CFAP99: variants seen among roughly 807,000 people sequenced by gnomAD.
The protein encoded by CFAP99 is cilia- and flagella-associated protein 99.
In CFAP99, 84 loss-of-function variants were observed where a neutral mutation model predicts 82.7. The ratio of observed to expected loss-of-function variants is 1.02; its 90% CI spans 0.85 to 1.22. The LOEUF (loss-of-function observed/expected upper bound fraction) is 1.22, where lower values mean the gene tolerates loss of function less well. CFAP99 is among the 50% of genes most tolerant of loss of function. The pLI is 0.00. For synonymous variants in CFAP99, 456 were observed against 429.5 expected, an observed-to-expected ratio of 1.06 and a Z score of -0.76; for missense variants, 1,059 against 983.5, an observed-to-expected ratio of 1.08 and a Z score of -1.03.
chr4:2,457,217 A>G (rs1182585988), intron 11 of CFAP99, among the ~76,000 whole-genome samples: 1 of 152,196 alleles, frequency 6.6e-6, no homozygotes, highest in Non-Finnish European at 1.5e-5. Context: ...CGCTGGGATT[A>G]CAAGCGTGAG....
At chr4:2,429,138 C>G (rs1733747213) in intron 2 of CFAP99, 1 of 152,474 alleles carries the variant, frequency 6.6e-6, no homozygotes, top group Non-Finnish European at 1.5e-5. Flanking sequence ...ACGCGCTCCC[C>G]ACTGCACTAG....
At chr4:2,421,348 C>G (rs1399665266) in intron 1 of CFAP99, among the ~76,000 whole-genome samples, 1 of 107,964 alleles carries the variant, frequency 9.3e-6, no homozygotes, top group Non-Finnish European at 1.9e-5. Flanking sequence ...AGTCTGCCCA[C>G]CCTTTTTTTT....
chr4:2,444,258 G>A (rs1467869098), intron 5 of CFAP99, among the ~76,000 whole-genome samples: 3 of 152,200 alleles, frequency 2.0e-5, no homozygotes, highest in South Asian at 2.1e-4. Flanking sequence ...GGCCTGCAGG[G>A]TTGCCTCTGG....
At chr4:2,429,597 T>C (rs7656976) in intron 2 of CFAP99, among the ~76,000 whole-genome samples, 1 of 122,686 alleles carries the variant, frequency 8.2e-6, no homozygotes, top group Non-Finnish European at 1.9e-5. Flanking sequence ...TTCTTTCTTT[T>C]TTTTTTTTTT....
chr4:2,457,488 CAGCAGGGCCCAAGG>C (rs1197876137), intron 11 of CFAP99, among the ~76,000 whole-genome samples: 1 of 152,232 alleles, frequency 6.6e-6, no homozygotes, highest in Non-Finnish European at 1.5e-5. Flanking sequence ...GGGATGTCCA[CAGCAGGGCCCAAGG>C]ATGCATGTGG....
intron 4 of CFAP99, 49 bp from the exon 5 acceptor site, chr4:2,443,078 TGAG>T: frequency 9.5e-7 from 1 of 1,047,654 alleles, no homozygotes; most frequent in Non-Finnish European, 1.4e-6. Flanking sequence ...CTTTGCCCGG[TGAG>T]GGGTTGGGCC....
chr4:2,427,370 C>T (rs1733706526), intron 2 of CFAP99: 1 of 152,746 alleles, frequency 6.5e-6, no homozygotes, highest in African/African-American at 2.4e-5. Context: ...TGCAGGGCCC[C>T]TGCCTCTAGG....
intron 2 of CFAP99, among the ~76,000 whole-genome samples, chr4:2,436,022 G>A (rs1457763039): frequency 6.6e-6 from 1 of 151,204 alleles, no homozygotes; most frequent in African/African-American, 2.4e-5. Context: ...AGAGTGAGCA[G>A]TGATTCTGCC....
At chr4:2,460,006 C>A (rs954956735) in intron 13 of CFAP99, 31 bp from the exon 14 acceptor site, 2 of 1,532,526 alleles carry the variant, frequency 1.3e-6, no homozygotes, top group Non-Finnish European at 1.7e-6. Flanking sequence ...AGCACAGCTC[C>A]CAGCTTGGGG....
intron 4 of CFAP99, among the ~76,000 whole-genome samples, chr4:2,439,983 A>ACAGGCGCC: frequency 6.6e-6 from 1 of 151,546 alleles, no homozygotes; most frequent in East Asian, 1.9e-4. Context: ...AGCTGGGATT[A>ACAGGCGCC]CGGCATGTGC....
At chr4:2,437,354 T>C (rs1368716248) in intron 3 of CFAP99, among the ~76,000 whole-genome samples, 2 of 152,192 alleles carry the variant, frequency 1.3e-5, no homozygotes, top group African/African-American at 4.8e-5. Context: ...AGATGGACCC[T>C]GTGGCTGCCG....
At chr4:2,437,940 G>A in intron 3 of CFAP99, 130 bp from the exon 4 acceptor site, 1 of 587,396 alleles carries the variant, frequency 1.7e-6, no homozygotes, top group South Asian at 2.0e-5. Flanking sequence ...TTTTCAGGTG[G>A]GCACCAATAG....
At chr4:2,440,972 C>G (rs1734023200) in intron 4 of CFAP99, among the ~76,000 whole-genome samples, 1 of 151,860 alleles carries the variant, frequency 6.6e-6, no homozygotes, top group African/African-American at 2.4e-5. Context: ...GCAGGAGGAT[C>G]ACTTGAGCCC....
chr4:2,460,108 G>GA lies in CFAP99; in HGVS notation c.1529dup (p.Asn510LysfsTer?), dbSNP rs1267364551. ...GAGAGCGGCTGGCCCTGCTCAAAGAGAATCAGCGGCGCAAGGAGGAAGAAA... is the reference window on the plus strand; with the variant it reads ...GAGAGCGGCTGGCCCTGCTCAAAGAGAAATCAGCGGCGCAAGGAGGAAGAAA... On this transcript the variant is annotated frameshift_variant, in exon 14 of 15. Transcript: ENST00000635017. LOFTEE classifies it high-confidence loss of function. 1.5e-5 allele frequency: 23 copies of GA among 1,536,106 alleles called. No homozygotes were observed. The highest frequency in any genetic ancestry group is 1.8e-5 in the Non-Finnish European group (21 of 1,146,904).
At position 2,438,412 on chromosome 4, in the gene CFAP99, G is replaced by A. The variant is rs1332748753; in HGVS notation, c.351+248G>A. ...CGAGTAGCTGGGACTACAGGCGCCC[G>A]CCACCACACCCGGCTATTTTTTTGT... On this transcript the variant is annotated intron_variant, in intron 4 of 14. Coordinates refer to ENST00000635017, the Ensembl canonical transcript of CFAP99. 3.9e-5 allele frequency among the ~76,000 whole-genome samples: 6 copies of A among 152,170 alleles called. 1 individual carries two copies. Among genetic ancestry groups the A allele is most frequent in the East Asian group, 1.9e-4 (1 of 5,172 alleles).
intron 2 of CFAP99, among the ~76,000 whole-genome samples, chr4:2,432,860 G>A (rs1396505209): frequency 6.6e-6 from 1 of 152,234 alleles, no homozygotes. Flanking sequence ...CACTCCTGTA[G>A]CAAGGGCCTC....
intron 1 of CFAP99, among the ~76,000 whole-genome samples, chr4:2,420,115 C>T (rs1733535589): frequency 6.6e-6 from 1 of 151,856 alleles, no homozygotes; most frequent in South Asian, 2.1e-4. Context: ...ACTTCTCCTC[C>T]TCGCTCCTGG....
Position 2,460,391 on chromosome 4 carries a change from A to G in CFAP99, c.1661+149A>G. The G allele has an allele frequency of 7.3e-6, 5 of 688,890 alleles. No individual in the cohort carries two copies. The South Asian group carries it at 9.0e-5, about 12-fold the overall frequency. The allele number at this position is 688,890 out of a possible 1,614,324, so 42.7% of individuals were successfully genotyped here. The stretch of plus-strand genomic sequence containing the variant: ...TGCCGTAACTCCCCTGACCCCTATT[A>G]TTGTAGTAGGTGACTTCCAGGCACA... On this transcript the variant is annotated intron_variant, in intron 14 of 14. Coordinates refer to ENST00000635017, the Ensembl canonical transcript of CFAP99.
At chr4:2,438,127 ACAT>A (rs1733958077) in exon 4 of CFAP99, 2 of 1,535,574 alleles carry the variant, frequency 1.3e-6, no homozygotes, top group Non-Finnish European at 1.7e-6. Context: ...CTATTCTGTA[ACAT>A]CATCAAGTCC....
Sources: gnomAD v4.1 joint callset for allele counts (sites outside exome capture counted in the v4.1 genomes callset) on GRCh38, gnomAD v4.1.1 for gene constraint, MANE v1.5 for transcripts, NCBI Gene and HGNC (gene_info 2026-07-23, HGNC 2026-07-21) for gene names.